Variants in OPRD1 observed in about 807,000 individuals in gnomAD.
The protein encoded by OPRD1 is delta-type opioid receptor.
A neutral mutation model predicts 17.5 loss-of-function variants in OPRD1; 19 were observed. That is an observed-to-expected ratio of 1.09 (90% CI 0.76 to 1.60). The LOEUF is 1.60. OPRD1 is among the 40% of genes most tolerant of loss of function. OPRD1 has a pLI of 0.00. For missense variants in OPRD1, 483 were observed against 547.2 expected (o/e 0.88, Z 1.17); for synonymous variants, 256 against 240.9 (o/e 1.06, Z -0.58).
At chr1:28,855,217 C>A (rs1034838155) in intron 1 of OPRD1, among the ~76,000 whole-genome samples, 1 of 151,926 alleles carries the variant, frequency 6.6e-6, no homozygotes, top group Non-Finnish European at 1.5e-5. Flanking sequence ...TGAATAGAGT[C>A]CTGAATTAAG....
chr1:28,832,421 C>A (rs2088816104), intron 1 of OPRD1, among the ~76,000 whole-genome samples: 1 of 151,936 alleles, frequency 6.6e-6, no homozygotes, highest in African/African-American at 2.4e-5. Flanking sequence ...AGTTCAAGAC[C>A]AACCTGGGCA....
intron 1 of OPRD1, among the ~76,000 whole-genome samples, chr1:28,853,752 CTTTTTTTTTTTT>C: frequency 7.3e-6 from 1 of 137,526 alleles, no homozygotes; most frequent in East Asian, 2.1e-4. Flanking sequence ...TTTTTTTTTT[CTTTTTTTTTTTT>C]GAGATAGGGT....
chr1:28,828,626 C>G (rs760920232), intron 1 of OPRD1, among the ~76,000 whole-genome samples: 1 of 148,442 alleles, frequency 6.7e-6, no homozygotes, highest in East Asian at 2.0e-4. Flanking sequence ...TTCGAAGCTG[C>G]ACTGAGCTAT....
chr1:28,837,702 C>T (rs1055832070), intron 1 of OPRD1, among the ~76,000 whole-genome samples: 2 of 150,930 alleles, frequency 1.3e-5, no homozygotes, highest in African/African-American at 4.9e-5. Flanking sequence ...TTCGGGACCC[C>T]TCTTTTATGG....
At chr1:28,827,121 CT>C (rs751607352) in intron 1 of OPRD1, among the ~76,000 whole-genome samples, 1 of 149,602 alleles carries the variant, frequency 6.7e-6, no homozygotes, top group Non-Finnish European at 1.5e-5. Flanking sequence ...ATGGCAAAAC[CT>C]TGTGTCTACA....
Position 28,812,490 on chromosome 1 carries a change from G to A in OPRD1, c.107G>A (p.Gly36Glu), listed in dbSNP as rs1195382977. ...ACPSAGANAS[G>E]PPGARSASSL... Reference sequence around the variant, plus strand: ...CCCAGCGCTGGCGCCAATGCGTCGGGGCCGCCAGGCGCGCGGAGCGCCTCG... The same window carrying A: ...CCCAGCGCTGGCGCCAATGCGTCGGAGCCGCCAGGCGCGCGGAGCGCCTCG... The change falls in exon 1 of 3, where the codon GGG (glycine) becomes GAG (glutamate). Residue 36 changes from glycine to glutamate, a missense_variant. Physicochemically the swap from Gly to Glu is moderately conservative, Grantham distance 98 (BLOSUM62 -2). Transcript: ENST00000234961. The A allele has an allele frequency of 3.2e-6, 5 of 1,553,858 alleles. No homozygotes were observed. Among genetic ancestry groups the A allele is most frequent in the Non-Finnish European group, 3.5e-6 (4 of 1,158,674 alleles).
chr1:28,856,838 G>T (rs1345242548), intron 1 of OPRD1, among the ~76,000 whole-genome samples: 1 of 152,202 alleles, frequency 6.6e-6, no homozygotes, highest in East Asian at 1.9e-4. Flanking sequence ...CTGGGCTCAT[G>T]CCTTGGGTTG....
At chr1:28,816,139 A>G (rs2088670170) in intron 1 of OPRD1, among the ~76,000 whole-genome samples, 1 of 152,184 alleles carries the variant, frequency 6.6e-6, no homozygotes, top group Admixed American at 6.5e-5. Context: ...AACATTCTAC[A>G]TGCTCTGTGC....
At chr1:28,843,743 C>T (rs7549829) in intron 1 of OPRD1, among the ~76,000 whole-genome samples, 9,147 of 152,096 alleles carry the variant, frequency 0.06, 306 homozygotes, top group South Asian at 0.091. Context: ...CTCAGCCTCC[C>T]GAGTAGCTGG....
At position 28,812,663 on chromosome 1, in the gene OPRD1, G is replaced by A. The variant is rs1490497003; in HGVS notation, c.227+53G>A. 34 of 1,397,812 alleles carry A rather than the reference G, an allele frequency of 2.4e-5. No homozygotes were observed. The East Asian group carries it at 9.2e-4, about 38-fold the overall frequency. 86.6% of individuals were successfully genotyped at this position (1,397,812 alleles called of 1,614,324 possible). On this transcript the variant is annotated intron_variant, in intron 1 of 2. Transcript: ENST00000234961. ...GGGCTGGAGCCCGGGGTGAGGGTGG[G>A]GATCACGAACTTGAGACCCCAAGCC... is the stretch of plus-strand genomic sequence containing the variant.
chr1:28,834,979 G>C (rs1233192291), intron 1 of OPRD1, among the ~76,000 whole-genome samples: 1 of 152,154 alleles, frequency 6.6e-6, no homozygotes, highest in Non-Finnish European at 1.5e-5. Context: ...CACTATTTCA[G>C]ACACCTGTTT....
In OPRD1 at chr1:28,865,470, C is replaced by T. The variant is rs1389674885; in HGVS notation, c.*2187C>T. On this transcript the variant is annotated 3_prime_UTR_variant, in exon 3 of 3. Transcript: ENST00000234961. ...TGAATAGCATGCAGGGGGCTGGGGA[C>T]TTAGGCACCAAGAGGGGCTTTGGGC... is the stretch of plus-strand genomic sequence containing the variant. The T allele has an allele frequency of 1.3e-5, 2 of 152,268 alleles. No homozygotes were observed. Among genetic ancestry groups the T allele is most frequent in the Admixed American group, 1.3e-4 (2 of 15,294 alleles). The allele number at this position is 152,268 out of a possible 1,614,324, so 9.4% of individuals were successfully genotyped here.
At chr1:28,850,953 T>G (rs2088997688) in intron 1 of OPRD1, among the ~76,000 whole-genome samples, 1 of 152,000 alleles carries the variant, frequency 6.6e-6, no homozygotes, top group South Asian at 2.1e-4. Flanking sequence ...TAAGGGATTT[T>G]CCAGGGATCC....
intron 1 of OPRD1, among the ~76,000 whole-genome samples, chr1:28,844,164 G>GTTTTTTT (rs60241573): frequency 2.9e-5 from 4 of 137,932 alleles, no homozygotes; most frequent in Non-Finnish European, 4.7e-5. Flanking sequence ...CTTGATTTCT[G>GTTTTTTT]TTTTTTTTTT....
intron 1 of OPRD1, among the ~76,000 whole-genome samples, chr1:28,824,039 G>A (rs2088740650): frequency 6.6e-6 from 1 of 151,224 alleles, no homozygotes; most frequent in Admixed American, 6.6e-5. Context: ...TTAGCCGGGC[G>A]GTAGTGGTGC....
intron 1 of OPRD1, among the ~76,000 whole-genome samples, chr1:28,858,581 T>G (rs12404612): frequency 6.7e-6 from 1 of 149,738 alleles, no homozygotes; most frequent in South Asian, 2.2e-4. Context: ...GCTTCGCTTT[T>G]ATCGCTCAGG....
intron 1 of OPRD1, among the ~76,000 whole-genome samples, chr1:28,849,391 G>A (rs1488007909): frequency 1.3e-5 from 2 of 152,088 alleles, no homozygotes; most frequent in Admixed American, 6.6e-5. Context: ...AGAGACCTAC[G>A]GAAATTGATA....
At chr1:28,823,265 C>T (rs1367888068) in intron 1 of OPRD1, among the ~76,000 whole-genome samples, 3 of 143,912 alleles carry the variant, frequency 2.1e-5, no homozygotes, top group East Asian at 2.0e-4. Flanking sequence ...GGTGCGATCT[C>T]GGCTCACTGC....
chr1:28,817,655 C>G (rs771335152), intron 1 of OPRD1, among the ~76,000 whole-genome samples: 1 of 152,104 alleles, frequency 6.6e-6, no homozygotes, highest in Non-Finnish European at 1.5e-5. Flanking sequence ...GGTCAGGGAG[C>G]GCCTGGTCTC....
Sources: allele counts gnomAD v4.1 joint callset (sites outside exome capture counted in the v4.1 genomes callset), GRCh38; gene constraint gnomAD v4.1.1; transcripts MANE v1.5; gene names NCBI Gene and HGNC (gene_info 2026-07-23, HGNC 2026-07-21).